ABHD12B: variants seen among roughly 807,000 people sequenced by gnomAD.
ABHD12B encodes abhydrolase domain containing 12B.
ABHD12B carries 42 observed loss-of-function variants against 50.4 expected under a neutral mutation model. The ratio of observed to expected loss-of-function variants is 0.83; its 90% confidence interval spans 0.65 to 1.08. The LOEUF (loss-of-function observed/expected upper bound fraction) is 1.08, where lower values mean the gene tolerates loss of function less well. Among genes scored for constraint, ABHD12B ranks in the 50% least tolerant of loss-of-function variants. The probability of loss-of-function intolerance (pLI) is 0.00; values close to 1 mark genes in which losing one functional copy is unlikely to be tolerated. For synonymous variants in ABHD12B, 167 were observed against 160.3 expected (o/e 1.04, Z -0.32); for missense variants, 479 against 447.7 (o/e 1.07, Z -0.63).
chr14:50,885,738 T>C, intron 6 of ABHD12B, 28 bp from the exon 7 acceptor site: 1 of 1,614,212 alleles, frequency 6.2e-7, no homozygotes, highest in African/African-American at 1.3e-5. Flanking sequence ...AAGGCAGTGA[T>C]ACTGTGTTTG....
chr14:50,880,012 T>C (rs142484628), intron 3 of ABHD12B, among the ~76,000 whole-genome samples: 1 of 152,374 alleles, frequency 6.6e-6, no homozygotes, highest in Non-Finnish European at 1.5e-5. Context: ...TGGAGCAAAA[T>C]AGTTTAGTGT....
intron 3 of ABHD12B, among the ~76,000 whole-genome samples, chr14:50,879,403 A>G (rs2049909079): frequency 6.6e-6 from 1 of 152,228 alleles, no homozygotes; most frequent in Non-Finnish European, 1.5e-5. Flanking sequence ...TAGCTTCAGC[A>G]GGTGATAGAC....
At chr14:50,892,048 C>A (rs1273097111) in intron 9 of ABHD12B, 1 of 152,172 alleles carries the variant, frequency 6.6e-6, no homozygotes, top group African/African-American at 2.4e-5. Flanking sequence ...ATACACTTGT[C>A]ATGTTCTACA....
chr14:50,893,167 G>A (rs2050143082), intron 9 of ABHD12B: 1 of 152,176 alleles, frequency 6.6e-6, no homozygotes, highest in South Asian at 2.1e-4. Context: ...AAATTTGTCA[G>A]GCCTCTGAGC....
At chr14:50,883,922 T>C (rs1234640741) in intron 5 of ABHD12B, among the ~76,000 whole-genome samples, 1 of 150,232 alleles carries the variant, frequency 6.7e-6, no homozygotes, top group African/African-American at 2.5e-5. Context: ...CACCTAGTTT[T>C]TACTTCTCCT....
In ABHD12B at chr14:50,904,386, C is replaced by A. The variant is rs1298569901; in HGVS notation, c.*20C>A. 1.2e-6 allele frequency: 2 copies of A among 1,613,776 alleles called. No homozygotes were observed. The highest frequency in any genetic ancestry group is 1.7e-5 in the Admixed American group (1 of 60,020). ...TCATGAGTCTGGGAGGAGTGGAAATCTTCAATGAAGACTTGGCCCAAACAC... is the reference window on the plus strand; with the variant it reads ...TCATGAGTCTGGGAGGAGTGGAAATATTCAATGAAGACTTGGCCCAAACAC... On this transcript the variant is annotated 3_prime_UTR_variant, in exon 13 of 13. Coordinates refer to ENST00000337334, the MANE Select transcript of ABHD12B (RefSeq NM_001206673.2).
intron 11 of ABHD12B, 58 bp from the exon 12 acceptor site, chr14:50,904,016 C>A: frequency 7.1e-7 from 1 of 1,399,282 alleles, no homozygotes; most frequent in Non-Finnish European, 1.0e-6. Context: ...GGAAATTGGA[C>A]TAGAAAAATC....
chr14:50,893,956 C>A (rs888648835), intron 9 of ABHD12B, among the ~76,000 whole-genome samples: 5 of 152,278 alleles, frequency 3.3e-5, no homozygotes, highest in South Asian at 4.1e-4. Flanking sequence ...GGGAAGGCAG[C>A]CTTCCCTTGG....
At chr14:50,880,364 G>GTA in intron 3 of ABHD12B, 88 bp from the exon 4 acceptor site, 1 of 1,348,938 alleles carries the variant, frequency 7.4e-7, no homozygotes. Context: ...TAAAATATAT[G>GTA]TATATATATC....
chr14:50,892,404 C>A, intron 9 of ABHD12B: 1 of 985,282 alleles, frequency 1.0e-6, no homozygotes, highest in Non-Finnish European at 1.2e-6. Context: ...CTAGCTTTGG[C>A]CTGATTCAGG....
intron 3 of ABHD12B, 80 bp downstream of exon 3, chr14:50,878,927 C>G: frequency 8.5e-7 from 1 of 1,181,622 alleles, no homozygotes; most frequent in South Asian, 1.3e-5. Flanking sequence ...TGCTGTGTTA[C>G]CTGCCCACGG....
chr14:50,883,091 G>GAA, intron 5 of ABHD12B, among the ~76,000 whole-genome samples: 1 of 152,124 alleles, frequency 6.6e-6, no homozygotes, highest in East Asian at 1.9e-4. Context: ...GGTTTGTTGG[G>GAA]ACAGCCCCTG....
chr14:50,891,301 G>A (rs1213448283), intron 9 of ABHD12B: 2 of 152,046 alleles, frequency 1.3e-5, no homozygotes, highest in Non-Finnish European at 2.9e-5. Context: ...GGAGTGCAGT[G>A]GCGTGATATC....
At chr14:50,888,430 C>T (rs994531378) in intron 8 of ABHD12B, among the ~76,000 whole-genome samples, 4 of 152,114 alleles carry the variant, frequency 2.6e-5, no homozygotes, top group African/African-American at 9.7e-5. Context: ...TCTCCATCTC[C>T]TGACCTCGTG....
chr14:50,890,059 C>CA (rs1208236927), intron 9 of ABHD12B, among the ~76,000 whole-genome samples: 2 of 152,090 alleles, frequency 1.3e-5, no homozygotes, highest in African/African-American at 4.8e-5. Flanking sequence ...CTCTACACTG[C>CA]AAAATACTGA....
chr14:50,894,772 G>A lies in ABHD12B; in HGVS notation c.780+5869G>A, dbSNP rs541321192. ...CCCAAATCTTCCTTCTTTCCCTCCC[G>A]CCTGTCCCCCCAGTCCCAACCCCAA... On this transcript the variant is annotated intron_variant, in intron 9 of 12. Coordinates refer to ENST00000337334, the MANE Select transcript of ABHD12B (RefSeq NM_001206673.2). Among the ~76,000 whole-genome samples the A allele has an allele frequency of 2.3e-4, 34 of 149,274 alleles. 1 individual carries two copies. The East Asian group carries it at 3.7e-3, about 16-fold the overall frequency.
At chr14:50,880,607 G>C (rs947805856) in intron 4 of ABHD12B, 36 bp downstream of exon 4, 1 of 1,512,352 alleles carries the variant, frequency 6.6e-7, no homozygotes, top group Non-Finnish European at 8.9e-7. Context: ...TTTTTCAGGA[G>C]ATTGAGAGCA....
At position 50,903,466 on chromosome 14, in the gene ABHD12B, A is replaced by G; in HGVS notation, c.941A>G (p.Lys314Arg). The change falls in exon 11 of 13, where the codon AAG becomes AGG. Residue 314 changes from lysine to arginine, a missense_variant and splice_region_variant. By Grantham distance (26) the Lys-to-Arg change is conservative (BLOSUM62 2). Transcript: ENST00000337334. ...DRTVPLEYGKKLYEIARNAYR... is the reference protein window; with the variant it reads ...DRTVPLEYGKRLYEIARNAYR... ...ACAGTGCCTTTGGAGTATGGGAAAA[A>G]GGTAAACTAAGGGCTCAATGCTGAC... 1 of 1,609,598 alleles carries G rather than the reference A, an allele frequency of 6.2e-7. No individual in the cohort carries two copies. The highest frequency in any genetic ancestry group is 1.1e-5 in the South Asian group (1 of 90,910).
At position 50,893,611 on chromosome 14, in the gene ABHD12B, A is replaced by C. The variant is rs1200668656; in HGVS notation, c.780+4708A>C. The stretch of plus-strand genomic sequence containing the variant: ...GGTCTCTTCACACGGACGCGCATGA[A>C]ATTTGGTGCCGTGACTCGGATCGGG... On this transcript the variant is annotated intron_variant, in intron 9 of 12. Coordinates refer to ENST00000337334, the MANE Select transcript of ABHD12B (RefSeq NM_001206673.2). 6 of 155,410 alleles carry C rather than the reference A, an allele frequency of 3.9e-5. No individual in the cohort carries two copies. In the East Asian group the frequency reaches 1.1e-3, roughly 29 times the overall value. 9.6% of individuals were successfully genotyped at this position (155,410 alleles called of 1,614,324 possible). A position where few individuals can be genotyped will look rare whatever the true frequency, so the allele number is the denominator to read the frequency against.
Sources: gnomAD v4.1 joint callset for allele counts (sites outside exome capture counted in the v4.1 genomes callset) on GRCh38, gnomAD v4.1.1 for gene constraint, MANE v1.5 for transcripts, NCBI Gene and HGNC (gene_info 2026-07-23, HGNC 2026-07-21) for gene names.